KRTAP4-7: variants seen among roughly 807,000 people sequenced by gnomAD.
KRTAP4-7 encodes the protein putative keratin-associated protein 4-X.
In KRTAP4-7, 1 loss-of-function variant was observed where a neutral mutation model predicts 3.0. The ratio of observed to expected loss-of-function variants is 0.33; its 90% confidence interval spans 0.12 to 1.57. The LOEUF (loss-of-function observed/expected upper bound fraction) is 1.57. KRTAP4-7 is among the 40% of genes most tolerant of loss of function. The pLI is 0.37. For synonymous variants in KRTAP4-7, 70 were observed against 74.6 expected (o/e 0.94, Z 0.32); for missense variants, 199 against 209.1 (o/e 0.95, Z 0.30).
exon 1 of KRTAP4-7, chr17:41,084,658 C>T (rs1260049045): frequency 1.9e-6 from 3 of 1,595,264 alleles, no homozygotes; most frequent in Non-Finnish European, 1.7e-6. Context: ...TTGTGCTGTG[C>T]CTCCTCTTGC....
rs1421831853 is a variant in KRTAP4-7 at position 41,084,159 on chromosome 17, A to G, written c.-48A>G. On this transcript the variant is annotated 5_prime_UTR_variant, in exon 1 of 1. Transcript: ENST00000391417. ...GACCCAGAAGACTTCCAAACCCAAG[A>G]ACTTCACTCTCTTGGAAACCCACCC... 3 of 1,559,740 alleles carry G rather than the reference A, an allele frequency of 1.9e-6. No homozygotes were observed. The African/African-American group carries it at 4.1e-5, about 21-fold the overall frequency.
chr17:41,084,332 C>G (rs1567944333), exon 1 of KRTAP4-7: 1 of 1,613,892 alleles, frequency 6.2e-7, no homozygotes, highest in Non-Finnish European at 8.5e-7. Context: ...GCTACCGCCC[C>G]AGCTGTTGTG....
At position 41,084,508 on chromosome 17, in the gene KRTAP4-7, A is replaced by C. The variant is rs749648901; in HGVS notation, c.302A>C (p.Gln101Pro). ...AGCTGCTGCAAGCCCCAGTGCTGCC[A>C]GTCTGTGTGCTGCCAGCCCACCTGC... The change falls in exon 1 of 1, where the codon CAG (glutamine) becomes CCG (proline). Residue 101 changes from glutamine to proline, a missense_variant. Coordinates refer to ENST00000391417, the Ensembl canonical transcript of KRTAP4-7. 11 of 1,563,360 alleles carry C rather than the reference A, an allele frequency of 7.0e-6. No homozygotes were observed. The Admixed American group carries it at 1.8e-4, about 25-fold the overall frequency.
chr17:41,084,252 A>G (rs11655310), exon 1 of KRTAP4-7: 1,000,385 of 1,605,700 alleles, frequency 0.62, 313,581 homozygotes, highest in African/African-American at 0.85. Flanking sequence ...CCAGGGCTGC[A>G]GCCAAGACCT....
chr17:41,084,857 T>C (rs1259633000), exon 1 of KRTAP4-7: 2 of 1,011,812 alleles, frequency 2.0e-6, no homozygotes, highest in Non-Finnish European at 2.8e-6. Flanking sequence ...CATTTTAAAC[T>C]CCCTCCTTTG....
At chr17:41,084,863 C>G in exon 1 of KRTAP4-7, 1 of 954,344 alleles carries the variant, frequency 1.0e-6, no homozygotes, top group Admixed American at 3.0e-5. Context: ...AAACTCCCTC[C>G]TTTGCTTTCT....
chr17:41,084,586 G>A (rs753054647), exon 1 of KRTAP4-7: 16 of 1,415,698 alleles, frequency 1.1e-5, no homozygotes, highest in Non-Finnish European at 1.4e-5. Flanking sequence ...GTCTGTGGCC[G>A]AGTCTCCTGC....
chr17:41,084,461 C>T lies in KRTAP4-7; in HGVS notation c.255C>T (p.Cys85=), dbSNP rs372892145. 6,263 of 1,499,704 alleles carry T rather than the reference C, an allele frequency of 4.2e-3. 32 individuals are homozygous for T. The highest frequency in any genetic ancestry group is 5.1e-3 in the Non-Finnish European group (5,611 of 1,099,976). 92.9% of individuals were successfully genotyped at this position (1,499,704 alleles called of 1,614,324 possible). ...CTAGGTGCTGCATCTCCAGCTGCTG[C>T]CGCCCCAGCTGCTGTATGTCCAGCT... The change falls in exon 1 of 1, where the codon TGC becomes TGT. Residue 85 remains cysteine, a synonymous_variant. Coordinates refer to ENST00000391417, the Ensembl canonical transcript of KRTAP4-7.
rs146067231 is a variant in KRTAP4-7 at position 41,084,847 on chromosome 17, C to G, written c.*173C>G. 1.1e-3 allele frequency: 1,163 copies of G among 1,086,554 alleles called. 15 individuals are homozygous for G. In the African/African-American group the frequency reaches 0.017, roughly 16 times the overall value. 67.3% of individuals were successfully genotyped at this position (1,086,554 alleles called of 1,614,324 possible). ...CTGACTCTGTGAGAACATTCTGGTT[C>G]ATTTTAAACTCCCTCCTTTGCTTTC... On this transcript the variant is annotated 3_prime_UTR_variant, in exon 1 of 1. Coordinates refer to ENST00000391417, the Ensembl canonical transcript of KRTAP4-7.
exon 1 of KRTAP4-7, chr17:41,084,705 C>A: frequency 6.4e-7 from 1 of 1,555,600 alleles, no homozygotes; most frequent in Non-Finnish European, 8.7e-7. Flanking sequence ...TCCCCCTTCA[C>A]CACTGGCCCA....
chr17:41,084,828 CTG>C (rs2013621880), exon 1 of KRTAP4-7: 1 of 1,215,404 alleles, frequency 8.2e-7, no homozygotes, highest in Non-Finnish European at 1.1e-6. Context: ...TTCACTGACT[CTG>C]TGAGAACATT....
rs574104902 is a variant in KRTAP4-7 at position 41,084,231 on chromosome 17, G to C, written c.25G>C (p.Val9Leu). Residue 9 changes from valine to leucine, a missense_variant, in exon 1 of 1, where the codon GTG becomes CTG. By Grantham distance (32) the Val-to-Leu change is conservative. Transcript: ENST00000391417. ...CATGGTCAGCTCCTGTTGTGGCTCC[G>C]TGTGCTCTGACCAGGGCTGCAGCCA... The C allele has an allele frequency of 2.5e-4, 401 of 1,610,790 alleles. No individual in the cohort carries two copies. The African/African-American group carries it at 4.9e-3, about 20-fold the overall frequency.
At chr17:41,084,763 G>T in exon 1 of KRTAP4-7, 1 of 1,477,666 alleles carries the variant, frequency 6.8e-7, no homozygotes, top group Non-Finnish European at 9.1e-7. Context: ...ACATGAAGTG[G>T]GGTTGATGTC....
exon 1 of KRTAP4-7, chr17:41,084,642 C>T (rs760673688): frequency 1.0e-5 from 16 of 1,599,856 alleles, no homozygotes; most frequent in Admixed American, 1.7e-5. Flanking sequence ...CACCTGTCCC[C>T]GCCCCTTGTG....
At chr17:41,084,361 C>T (rs550735065) in exon 1 of KRTAP4-7, 303 of 1,575,220 alleles carry the variant, frequency 1.9e-4, no homozygotes, top group East Asian at 1.2e-3. Flanking sequence ...TGCTGCAGGC[C>T]CCAGTGCTGC....
exon 1 of KRTAP4-7, chr17:41,084,773 C>G (rs191231208): frequency 6.8e-7 from 1 of 1,462,984 alleles, no homozygotes; most frequent in Admixed American, 2.3e-5. Flanking sequence ...GGGTTGATGT[C>G]ATTCAATAGG....
chr17:41,085,115 C>A, exon 1 of KRTAP4-7: 1 of 203,790 alleles, frequency 4.9e-6, no homozygotes, highest in Non-Finnish European at 1.1e-5. Context: ...TGTATCTCTG[C>A]TTTCTAATAA....
In KRTAP4-7 at chr17:41,084,610, A is replaced by G. The variant is rs1005768202; in HGVS notation, c.404A>G (p.Tyr135Cys). Reference sequence around the variant, plus strand: ...CGAGTCTCCTGCCACACCACTTGCTATCGCCCAACCTGTGTCATCTCCACC... The same window carrying G: ...CGAGTCTCCTGCCACACCACTTGCTGTCGCCCAACCTGTGTCATCTCCACC... Residue 135 changes from tyrosine (Y) to cysteine (C), a missense_variant, in exon 1 of 1, where the codon TAT becomes TGT. Transcript: ENST00000391417. The G allele has an allele frequency of 6.9e-6, 11 of 1,598,834 alleles. No individual in the cohort carries two copies. In the Middle Eastern group the frequency reaches 5.0e-4, roughly 72 times the overall value.
chr17:41,084,851 T>C, exon 1 of KRTAP4-7: 1 of 1,058,706 alleles, frequency 9.4e-7, no homozygotes, highest in Non-Finnish European at 1.3e-6. Flanking sequence ...CTGGTTCATT[T>C]TAAACTCCCT....
Sources: allele counts gnomAD v4.1 joint callset, GRCh38; gene constraint gnomAD v4.1.1; transcripts MANE v1.5; gene names NCBI Gene and HGNC (gene_info 2026-07-23, HGNC 2026-07-21).